The following DGUOK variants were observed in gnomAD, a reference collection of about 807,000 sequenced individuals.
DGUOK encodes deoxyguanosine kinase.
In DGUOK, 30 loss-of-function variants were observed where a neutral mutation model predicts 36.6. That is an observed-to-expected ratio of 0.82 (90% CI 0.61 to 1.11). The LOEUF (loss-of-function observed/expected upper bound fraction) is 1.11. Ranked by LOEUF, DGUOK falls within the 50% of genes most tolerant of loss-of-function variation. The pLI, the probability that DGUOK is intolerant of heterozygous loss-of-function variation, is 0.00. For missense variants in DGUOK, 361 were observed against 336.4 expected (o/e 1.07, Z -0.57); for synonymous variants, 145 against 126.3 (o/e 1.15, Z -0.99).
rs189982925 is a variant in DGUOK at position 73,944,956 on chromosome 2, C to T, written c.256-1763C>T. ...CACGTGTGAGGCTGGTATGTGTGGG[C>T]TTGCGGGGTCAGAAGGAGGGAAATC... On this transcript the variant is annotated intron_variant, in intron 2 of 6. Coordinates refer to ENST00000264093, the MANE Select transcript of DGUOK (RefSeq NM_080916.3). Among the ~76,000 whole-genome samples the T allele has an allele frequency of 2.2e-3, 328 of 152,262 alleles. 2 individuals carry two copies. Among genetic ancestry groups the T allele is most frequent in the African/African-American group, 7.7e-3 (319 of 41,534 alleles).
chr2:73,935,989 G>C (rs1681433011), intron 1 of DGUOK, among the ~76,000 whole-genome samples: 1 of 152,138 alleles, frequency 6.6e-6, no homozygotes, highest in Non-Finnish European at 1.5e-5. Flanking sequence ...ATCTGCAACA[G>C]TTTTTTAAGG....
chr2:73,945,114 T>C (rs999858833), intron 2 of DGUOK, among the ~76,000 whole-genome samples: 5 of 152,260 alleles, frequency 3.3e-5, no homozygotes, highest in African/African-American at 1.2e-4. Flanking sequence ...TTGGACTTCT[T>C]ACTGTTGTTG....
intron 1 of DGUOK, among the ~76,000 whole-genome samples, chr2:73,929,035 C>G (rs553172873): frequency 6.6e-5 from 10 of 152,210 alleles, no homozygotes; most frequent in African/African-American, 2.4e-4. Flanking sequence ...AATGATGACT[C>G]CAATTATTTT....
intron 1 of DGUOK, among the ~76,000 whole-genome samples, chr2:73,932,264 C>T (rs544697910): frequency 5.5e-4 from 83 of 152,292 alleles, no homozygotes; most frequent in Non-Finnish European, 1.0e-3. Flanking sequence ...CTCTTCATCA[C>T]CCCACACACC....
chr2:73,927,511 C>G (rs1326636509), intron 1 of DGUOK, among the ~76,000 whole-genome samples: 1 of 152,218 alleles, frequency 6.6e-6, no homozygotes, highest in Non-Finnish European at 1.5e-5. Flanking sequence ...AACGAAATCA[C>G]TCATTGAAAG....
intron 2 of DGUOK, among the ~76,000 whole-genome samples, chr2:73,940,353 GA>G (rs1417791450): frequency 6.6e-6 from 1 of 152,196 alleles, no homozygotes; most frequent in African/African-American, 2.4e-5. Flanking sequence ...GGACATTCTG[GA>G]TGTAGTCTAA....
At chr2:73,953,498 G>T (rs1205972963) in intron 4 of DGUOK, among the ~76,000 whole-genome samples, 1 of 152,040 alleles carries the variant, frequency 6.6e-6, no homozygotes, top group Admixed American at 6.5e-5. Context: ...ATGCAGGAAT[G>T]CCCATGTTTC....
chr2:73,951,711 G>A (rs762308348), intron 4 of DGUOK, among the ~76,000 whole-genome samples: 4 of 152,194 alleles, frequency 2.6e-5, no homozygotes, highest in Non-Finnish European at 5.9e-5. Context: ...CTGGAAGGAA[G>A]GGTCTTGCCT....
chr2:73,947,160 T>C, intron 3 of DGUOK: 2 of 492,594 alleles, frequency 4.1e-6, no homozygotes, highest in Non-Finnish European at 7.4e-6. Flanking sequence ...TTACCTTATG[T>C]TTCCTTATTT....
intron 3 of DGUOK, among the ~76,000 whole-genome samples, chr2:73,949,675 G>C (rs1381686288): frequency 2.6e-5 from 4 of 152,174 alleles, no homozygotes; most frequent in African/African-American, 9.7e-5. Context: ...TCATACACAA[G>C]GGTTCTGAAT....
rs1465777482 is a variant in DGUOK, at chr2:73,938,988, C to T, written c.221C>T (p.Thr74Ile). Residue 74 changes from threonine to isoleucine, a missense_variant, in exon 2 of 7, where the codon ACA (threonine) becomes ATA (isoleucine). Physicochemically the swap from Thr to Ile is moderately conservative, Grantham distance 89 (BLOSUM62 -1). Coordinates refer to ENST00000264093, the MANE Select transcript of DGUOK (RefSeq NM_080916.3). Reference protein sequence around the residue: ...EWHVATEPVATWQNIQAAGTQ... With the variant: ...EWHVATEPVAIWQNIQAAGTQ... ...CACGTAGCTACAGAACCTGTAGCAA[C>T]ATGGCAGAATATCCAGGCTGCTGGC... The T allele has an allele frequency of 1.2e-6, 2 of 1,613,910 alleles. No homozygotes were observed. Among genetic ancestry groups the T allele is most frequent in the Non-Finnish European group, 1.7e-6 (2 of 1,179,944 alleles).
chr2:73,932,886 A>G (rs1186560647), intron 1 of DGUOK, among the ~76,000 whole-genome samples: 1 of 152,206 alleles, frequency 6.6e-6, no homozygotes, highest in East Asian at 1.9e-4. Flanking sequence ...CTAAAAAATA[A>G]AACACCTAGC....
At chr2:73,935,572 TA>T (rs796862596) in intron 1 of DGUOK, among the ~76,000 whole-genome samples, 48 of 152,372 alleles carry the variant, frequency 3.2e-4, no homozygotes, top group African/African-American at 1.1e-3. Flanking sequence ...AATTATTTTT[TA>T]AAGTAATTAT....
intron 1 of DGUOK, among the ~76,000 whole-genome samples, chr2:73,934,554 A>C (rs1281017843): frequency 1.3e-5 from 2 of 152,152 alleles, no homozygotes; most frequent in Non-Finnish European, 2.9e-5. Flanking sequence ...GGAGTTCAAG[A>C]CCAGCCTGGC....
chr2:73,951,499 T>C (rs770173927), intron 4 of DGUOK, among the ~76,000 whole-genome samples: 2 of 152,078 alleles, frequency 1.3e-5, no homozygotes, highest in African/African-American at 2.4e-5. Flanking sequence ...TTTTGAGATA[T>C]ACATCCAATA....
intron 1 of DGUOK, among the ~76,000 whole-genome samples, chr2:73,937,598 A>G (rs1367045204): frequency 1.3e-5 from 2 of 152,202 alleles, no homozygotes; most frequent in East Asian, 3.8e-4. Context: ...GTGTGTTCAT[A>G]CCCTGAGGTC....
intron 4 of DGUOK, among the ~76,000 whole-genome samples, chr2:73,951,982 G>A (rs1399302420): frequency 1.3e-5 from 2 of 152,126 alleles, no homozygotes; most frequent in Admixed American, 6.6e-5. Context: ...CAGCATAGGC[G>A]ATATAGTGCG....
Position 73,939,894 on chromosome 2 carries a change from T to G in DGUOK, c.255+872T>G, listed in dbSNP as rs1681772404. Among the ~76,000 whole-genome samples, 3 of 148,906 alleles carry G rather than the reference T, an allele frequency of 2.0e-5. No homozygotes were observed. In the Admixed American group the frequency reaches 2.0e-4, roughly 10 times the overall value. On this transcript the variant is annotated intron_variant, in intron 2 of 6. Transcript: ENST00000264093. The stretch of plus-strand genomic sequence containing the variant: ...ATGATTTTCCTGTTCTTTCTCCCCC[T>G]CAAGTCTCTCTCCTTTTTTTTTTTT...
intron 1 of DGUOK, among the ~76,000 whole-genome samples, chr2:73,927,660 C>T (rs1320079335): frequency 6.6e-6 from 1 of 152,158 alleles, no homozygotes; most frequent in Admixed American, 6.5e-5. Flanking sequence ...TAAGGCTTTT[C>T]TTAGAAGAAC....
Sources: gnomAD v4.1 joint callset for allele counts (sites outside exome capture counted in the v4.1 genomes callset) on GRCh38, gnomAD v4.1.1 for gene constraint, MANE v1.5 for transcripts, NCBI Gene and HGNC (gene_info 2026-07-23, HGNC 2026-07-21) for gene names.